The following NEDD8 variants were observed in gnomAD, a reference collection of about 807,000 sequenced individuals.
NEDD8 encodes the protein ubiquitin-like protein NEDD8.
In NEDD8, 1 loss-of-function variant was observed where a neutral mutation model predicts 13.8. The ratio of observed to expected loss-of-function variants is 0.07; its 90% CI spans 0.03 to 0.34. NEDD8 has a LOEUF of 0.34. NEDD8 is among the 10% of genes least tolerant of loss of function. The probability of loss-of-function intolerance (pLI) is 0.99; values close to 1 mark genes in which losing one functional copy is unlikely to be tolerated. For missense variants in NEDD8, 10 were observed against 95.2 expected (o/e 0.10, Z 3.73); for synonymous variants, 31 against 33.2 (o/e 0.93, Z 0.23).
chr14:24,231,870 G>A (rs1464359600), intron 1 of NEDD8: 2 of 226,500 alleles, frequency 8.8e-6, no homozygotes, highest in East Asian at 1.0e-4. Context: ...CAGGTACCCT[G>A]GGAATGAAGA....
intron 1 of NEDD8, among the ~76,000 whole-genome samples, chr14:24,230,330 C>T (rs1424104644): frequency 6.8e-6 from 1 of 146,030 alleles, no homozygotes; most frequent in Non-Finnish European, 1.5e-5. Context: ...GTCAGGAGAT[C>T]GAGACCATCC....
Position 24,216,972 on chromosome 14 carries a change from A to G in NEDD8, c.*155T>C. On this transcript the variant is annotated 3_prime_UTR_variant, in exon 4 of 4. Coordinates refer to ENST00000250495, the MANE Select transcript of NEDD8 (RefSeq NM_006156.3). The stretch of plus-strand genomic sequence containing the variant: ...CCAGCAAGGGCCCTCTGGGCCAGGA[A>G]TACTGAATCCTGGGATCCTCACAGT... 1 of 650,492 alleles carries G rather than the reference A, an allele frequency of 1.5e-6. No homozygotes were observed. Among genetic ancestry groups the G allele is most frequent in the Non-Finnish European group, 2.7e-6 (1 of 376,884 alleles). The allele number at this position is 650,492 out of a possible 1,614,324, so 40.3% of individuals were successfully genotyped here.
rs781557475 is a variant in NEDD8 at position 24,218,447 on chromosome 14, G to A, written c.19-16C>T. 1 of 1,614,170 alleles carries A rather than the reference G, an allele frequency of 6.2e-7. No homozygotes were observed. The highest frequency in any genetic ancestry group is 8.5e-7 in the Non-Finnish European group (1 of 1,180,040). The stretch of plus-strand genomic sequence containing the variant: ...CGGTCAGCGTCTGAAACAGGCAATG[G>A]TTTCATGAGTCCTTAAAGCCCAATG... On this transcript the variant is annotated splice_polypyrimidine_tract_variant and intron_variant, in intron 1 of 3. Transcript: ENST00000250495.
chr14:24,227,012 G>A (rs757822380), intron 1 of NEDD8: 9 of 152,078 alleles, frequency 5.9e-5, no homozygotes, highest in Admixed American at 3.9e-4. Flanking sequence ...GTAATAAGAA[G>A]GAATAAACCA....
chr14:24,225,391 G>T (rs187029331), intron 1 of NEDD8, among the ~76,000 whole-genome samples: 2 of 152,246 alleles, frequency 1.3e-5, no homozygotes, highest in Admixed American at 6.5e-5. Context: ...GTAATTTGAT[G>T]ATAGTAAGCA....
chr14:24,223,405 A>C (rs1000465965), intron 1 of NEDD8, among the ~76,000 whole-genome samples: 3 of 152,230 alleles, frequency 2.0e-5, no homozygotes, highest in African/African-American at 7.2e-5. Flanking sequence ...TCTCCAAAAA[A>C]AACCCAGAAA....
intron 1 of NEDD8, chr14:24,226,609 C>G (rs944307927): frequency 8.6e-5 from 13 of 151,992 alleles, no homozygotes; most frequent in African/African-American, 3.1e-4. Flanking sequence ...TTATATAACA[C>G]TAGATATAGT....
At chr14:24,223,958 C>T (rs2039848752) in intron 1 of NEDD8, among the ~76,000 whole-genome samples, 1 of 151,840 alleles carries the variant, frequency 6.6e-6, no homozygotes, top group Non-Finnish European at 1.5e-5. Context: ...GACAGAGTCT[C>T]GCTCTGTCGC....
chr14:24,226,364 G>A (rs1020256193), intron 1 of NEDD8, among the ~76,000 whole-genome samples: 2 of 148,732 alleles, frequency 1.3e-5, no homozygotes, highest in African/African-American at 5.0e-5. Context: ...CATGGTGGAC[G>A]CTTGAACGAA....
intron 1 of NEDD8, among the ~76,000 whole-genome samples, chr14:24,230,454 G>C (rs2138912109): frequency 7.6e-6 from 1 of 132,352 alleles, no homozygotes. Context: ...AGAATGGCAT[G>C]AACCCGGGAG....
chr14:24,220,943 G>A (rs1410517202), intron 1 of NEDD8, among the ~76,000 whole-genome samples: 2 of 152,272 alleles, frequency 1.3e-5, no homozygotes, highest in East Asian at 1.9e-4. Context: ...AGAACAGCAC[G>A]AAACAAGAAC....
chr14:24,228,933 G>C (rs1485585863), intron 1 of NEDD8, among the ~76,000 whole-genome samples: 1 of 152,128 alleles, frequency 6.6e-6, no homozygotes, highest in Non-Finnish European at 1.5e-5. Flanking sequence ...ATGGGGCACA[G>C]AGGCCTGTTT....
intron 3 of NEDD8, 130 bp from the exon 4 acceptor site, chr14:24,217,353 G>A (rs920332109): frequency 2.8e-5 from 20 of 707,426 alleles, no homozygotes; most frequent in African/African-American, 9.0e-5. Context: ...ACAGTGGCAC[G>A]ATCTCAGCTC....
chr14:24,229,083 T>C (rs1184877945), intron 1 of NEDD8, among the ~76,000 whole-genome samples: 1 of 151,662 alleles, frequency 6.6e-6, no homozygotes, highest in African/African-American at 2.4e-5. Context: ...CACCTGGGAG[T>C]TTGTGAGAAA....
At chr14:24,226,539 CT>C (rs928519630) in intron 1 of NEDD8, 11 of 151,698 alleles carry the variant, frequency 7.3e-5, no homozygotes, top group African/African-American at 2.4e-4. Context: ...GGGGCAATGA[CT>C]AAGTGCTATG....
intron 1 of NEDD8, among the ~76,000 whole-genome samples, chr14:24,230,116 T>C (rs1201310779): frequency 6.7e-6 from 1 of 149,858 alleles, no homozygotes; most frequent in Non-Finnish European, 1.5e-5. Context: ...TTGACAGTGA[T>C]CCATTCTAAA....
rs2039827748 is a variant in NEDD8, at chr14:24,222,765, T to G, written c.19-4334A>C. On this transcript the variant is annotated intron_variant, in intron 1 of 3. Transcript: ENST00000250495. ...TTTTATGTTTTTTCTAACCAAATCC[T>G]AAAAATCCTGTATTTCATATTTACA... Among the ~76,000 whole-genome samples, 3 of 152,258 alleles carry G rather than the reference T, an allele frequency of 2.0e-5. No homozygotes were observed. In the South Asian group the frequency reaches 6.2e-4, roughly 32 times the overall value.
At chr14:24,232,094 G>A in intron 1 of NEDD8, 156 bp downstream of exon 1, 2 of 1,186,824 alleles carry the variant, frequency 1.7e-6, no homozygotes, top group Non-Finnish European at 2.4e-6. Flanking sequence ...GCCCTTCTGG[G>A]TCCCCCTATT....
At chr14:24,217,528 G>A (rs1409687222) in intron 3 of NEDD8, among the ~76,000 whole-genome samples, 1 of 152,146 alleles carries the variant, frequency 6.6e-6, no homozygotes, top group Non-Finnish European at 1.5e-5. Context: ...GACCTCAGGT[G>A]ATCCACCCCC....
Sources: gnomAD v4.1 joint callset for allele counts (sites outside exome capture counted in the v4.1 genomes callset) on GRCh38, gnomAD v4.1.1 for gene constraint, MANE v1.5 for transcripts, NCBI Gene and HGNC (gene_info 2026-07-23, HGNC 2026-07-21) for gene names.